The following PCDHA1 variants were observed in gnomAD, a reference collection of about 807,000 sequenced individuals.
The protein encoded by PCDHA1 is protocadherin alpha 1.
Under a neutral mutation model 61.3 loss-of-function variants are expected in PCDHA1, and 42 were observed. That is an observed-to-expected ratio of 0.69 (90% confidence interval 0.54 to 0.89). PCDHA1 has a LOEUF of 0.89. Ranked by LOEUF, PCDHA1 falls within the 40% of genes least tolerant of loss-of-function variation. The pLI is 0.00. For synonymous variants in PCDHA1, 610 were observed against 553.8 expected (o/e 1.10, Z -1.43); for missense variants, 1,256 against 1,235.3 (o/e 1.02, Z -0.25).
intron 1 of PCDHA1, among the ~76,000 whole-genome samples, chr5:140,789,737 A>G (rs1450478674): frequency 6.6e-6 from 1 of 151,982 alleles, no homozygotes; most frequent in Non-Finnish European, 1.5e-5. Flanking sequence ...AGCTCATTCG[A>G]TCCTTCCAAC....
chr5:140,883,259 G>A (rs573584031), intron 1 of PCDHA1: 1 of 1,614,000 alleles, frequency 6.2e-7, no homozygotes, highest in East Asian at 2.2e-5. Flanking sequence ...TATTCCAATG[G>A]CGGGTCATTG....
chr5:140,828,071 A>G (rs2150150586), intron 1 of PCDHA1: 1 of 1,566,150 alleles, frequency 6.4e-7, no homozygotes, highest in Non-Finnish European at 8.6e-7. Flanking sequence ...TCTAATGGAA[A>G]TAAAACCAGA....
intron 1 of PCDHA1, chr5:140,852,499 A>G: frequency 3.9e-6 from 1 of 258,480 alleles, no homozygotes; most frequent in Non-Finnish European, 6.5e-6. Context: ...GTTGGTCTCG[A>G]ACTCCTGACC....
intron 1 of PCDHA1, among the ~76,000 whole-genome samples, chr5:140,913,256 T>C (rs1162098506): frequency 6.6e-6 from 1 of 152,208 alleles, no homozygotes; most frequent in East Asian, 1.9e-4. Context: ...ACAACTTTGA[T>C]CTAATTACTT....
At position 140,836,722 on chromosome 5, in the gene PCDHA1, C is replaced by T. The variant is rs1218762370; in HGVS notation, c.2394+48038C>T. ...TTCAGTCCCAGCCTTCCTCAGGGTC[C>T]ATCCTCTACAGACAATGTGAGTCAT... On this transcript the variant is annotated intron_variant, in intron 1 of 3. Coordinates refer to ENST00000504120, the MANE Select transcript of PCDHA1 (RefSeq NM_018900.4). 3.1e-6 allele frequency: 5 copies of T among 1,611,958 alleles called. No individual in the cohort carries two copies. Among genetic ancestry groups the T allele is most frequent in the Non-Finnish European group, 4.2e-6 (5 of 1,178,776 alleles).
chr5:140,836,200 G>C lies in PCDHA1; in HGVS notation c.2394+47516G>C, dbSNP rs2150255227. ...GACGCTGACTCAGGCTACAACGCGT[G>C]GCTTTCGTATGAGTTGCAACCGGTG... On this transcript the variant is annotated intron_variant, in intron 1 of 3. Transcript: ENST00000504120. 4 of 1,613,854 alleles carry C rather than the reference G, an allele frequency of 2.5e-6. No individual in the cohort carries two copies. The South Asian group carries it at 4.4e-5, about 18-fold the overall frequency.
chr5:140,812,146 T>TG (rs1554125912), intron 1 of PCDHA1: 1 of 136,714 alleles, frequency 7.3e-6, no homozygotes, highest in Admixed American at 7.5e-5. Context: ...GGTTTTGGGC[T>TG]TTTGTTGTTG....
intron 1 of PCDHA1, among the ~76,000 whole-genome samples, chr5:140,959,145 A>C (rs2095470775): frequency 6.6e-6 from 1 of 152,030 alleles, no homozygotes; most frequent in Non-Finnish European, 1.5e-5. Flanking sequence ...GGGAGGCCAA[A>C]GTGGGCAGAT....
intron 1 of PCDHA1, chr5:140,843,306 C>T (rs1393236321): frequency 1.3e-6 from 2 of 1,596,004 alleles, no homozygotes; most frequent in Non-Finnish European, 1.7e-6. Context: ...CTGACCGCCA[C>T]GGCCACGGTT....
At chr5:140,890,634 T>A (rs986470825) in intron 1 of PCDHA1, among the ~76,000 whole-genome samples, 3 of 152,204 alleles carry the variant, frequency 2.0e-5, no homozygotes, top group African/African-American at 7.2e-5. Context: ...TAAGCATGTA[T>A]CCTTGATATA....
Position 140,829,775 on chromosome 5 carries a change from G to A in PCDHA1, c.2394+41091G>A, listed in dbSNP as rs1381710258. ...GTTCGTGCTGGACGAGAACGACAAC[G>A]CGCCGGCGCTGCTGGCGCCTCGGGT... On this transcript the variant is annotated intron_variant, in intron 1 of 3. Transcript: ENST00000504120. 6.2e-7 allele frequency: 1 copy of A among 1,613,800 alleles called. No homozygotes were observed. The highest frequency in any genetic ancestry group is 8.5e-7 in the Non-Finnish European group (1 of 1,179,866).
intron 1 of PCDHA1, chr5:140,853,042 C>T (rs1417504758): frequency 3.7e-6 from 1 of 269,692 alleles, no homozygotes; most frequent in African/African-American, 2.3e-5. Flanking sequence ...CCATGCCCGC[C>T]TAATTTTTTT....
At chr5:140,863,412 G>A (rs1226445956) in intron 1 of PCDHA1, 2 of 735,306 alleles carry the variant, frequency 2.7e-6, no homozygotes, top group Non-Finnish European at 4.6e-6. Flanking sequence ...CCACGCTGGT[G>A]TACCGCAGCG....
Position 140,809,053 on chromosome 5 carries a change from C to A in PCDHA1, c.2394+20369C>A, listed in dbSNP as rs1307759029. 2.9e-5 allele frequency: 47 copies of A among 1,613,756 alleles called. No individual in the cohort carries two copies. Among genetic ancestry groups the A allele is most frequent in the Non-Finnish European group, 3.8e-5 (45 of 1,179,898 alleles). On this transcript the variant is annotated intron_variant, in intron 1 of 3. Coordinates refer to ENST00000504120, the MANE Select transcript of PCDHA1 (RefSeq NM_018900.4). ...GGACTGGTGGCGCGCGCATCCCGTT[C>A]CGCGTGGGGCTGTACACTGGCGAGA...
chr5:140,794,853 C>A, intron 1 of PCDHA1: 1 of 1,221,618 alleles, frequency 8.2e-7, no homozygotes. Context: ...CCCTTTGTTA[C>A]TTCAGAGAAG....
intron 1 of PCDHA1, chr5:140,877,716 G>A: frequency 6.2e-7 from 1 of 1,614,116 alleles, no homozygotes; most frequent in Non-Finnish European, 8.5e-7. Context: ...TGGGGAGTTG[G>A]TCTTACTCGC....
chr5:140,877,661 G>C, intron 1 of PCDHA1: 1 of 1,613,572 alleles, frequency 6.2e-7, no homozygotes. Flanking sequence ...CCCACCGTGA[G>C]CCGGTGCGCG....
intron 1 of PCDHA1, chr5:140,850,917 T>G: frequency 6.5e-7 from 1 of 1,530,140 alleles, no homozygotes; most frequent in Non-Finnish European, 8.8e-7. Context: ...TTTATTTATT[T>G]ATATAATTTT....
chr5:140,853,370 G>T lies in PCDHA1; in HGVS notation c.2394+64686G>T, dbSNP rs1365315114. On this transcript the variant is annotated intron_variant, in intron 1 of 3. Coordinates refer to ENST00000504120, the MANE Select transcript of PCDHA1 (RefSeq NM_018900.4). ...CATGAACTCACAGGGATCCAGAGAT[G>T]GTAAAATTCAAAACAGCCTGTCAAG... 3 of 983,178 alleles carry T rather than the reference G, an allele frequency of 3.1e-6. 1 individual carries two copies. The highest frequency in any genetic ancestry group is 3.7e-6 in the Non-Finnish European group (3 of 815,894). The allele number at this position is 983,178 out of a possible 1,614,324, so 60.9% of individuals were successfully genotyped here. A position where few individuals can be genotyped will look rare whatever the true frequency, so the allele number is the denominator to read the frequency against.
Sources: allele counts gnomAD v4.1 joint callset (sites outside exome capture counted in the v4.1 genomes callset), GRCh38; gene constraint gnomAD v4.1.1; transcripts MANE v1.5; gene names NCBI Gene and HGNC (gene_info 2026-07-23, HGNC 2026-07-21).